Variants in SGCZ observed in about 807,000 individuals in gnomAD.
The protein encoded by SGCZ is zeta-sarcoglycan.
A neutral mutation model predicts 41.3 loss-of-function variants in SGCZ; 40 were observed. The ratio of observed to expected loss-of-function variants is 0.97; its 90% confidence interval spans 0.75 to 1.26. The LOEUF (loss-of-function observed/expected upper bound fraction) is 1.26. SGCZ is among the 50% of genes most tolerant of loss of function. The pLI is 0.00. For missense variants in SGCZ, 552 were observed against 369.8 expected (o/e 1.49, Z -4.04); for synonymous variants, 206 against 137.5 (o/e 1.50, Z -3.49).
At chr8:14,970,633 T>G (rs1039042729) in intron 1 of SGCZ, among the ~76,000 whole-genome samples, 4 of 152,176 alleles carry the variant, frequency 2.6e-5, no homozygotes, top group Non-Finnish European at 4.4e-5. Context: ...ACCTATTTCT[T>G]GACCATTTCT....
At chr8:15,184,220 C>T (rs1010187197) in intron 1 of SGCZ, among the ~76,000 whole-genome samples, 1 of 152,072 alleles carries the variant, frequency 6.6e-6, no homozygotes, top group Non-Finnish European at 1.5e-5. Context: ...ACTAGTAGAA[C>T]TTCTGGTAGG....
chr8:14,268,008 AT>A (rs755677884), intron 3 of SGCZ, among the ~76,000 whole-genome samples: 6 of 151,614 alleles, frequency 4.0e-5, no homozygotes, highest in Non-Finnish European at 7.4e-5. Context: ...GTACTTATAT[AT>A]TTATATAAAA....
chr8:14,566,911 C>T (rs1319234457), intron 1 of SGCZ, among the ~76,000 whole-genome samples: 1 of 152,180 alleles, frequency 6.6e-6, no homozygotes, highest in African/African-American at 2.4e-5. Flanking sequence ...CGGCAGGCCC[C>T]ACACTCAGAG....
At chr8:14,325,991 A>C (rs1365942629) in intron 2 of SGCZ, among the ~76,000 whole-genome samples, 2 of 149,602 alleles carry the variant, frequency 1.3e-5, no homozygotes, top group Non-Finnish European at 1.5e-5. Context: ...GGGCGCCTGT[A>C]GTCCCAGGTA....
intron 1 of SGCZ, among the ~76,000 whole-genome samples, chr8:15,039,252 A>C (rs1803987911): frequency 6.6e-6 from 1 of 152,210 alleles, no homozygotes; most frequent in Admixed American, 6.5e-5. Flanking sequence ...GGATGGATGA[A>C]TAAAGAAAAT....
rs1279184204 is a variant in SGCZ at position 14,969,516 on chromosome 8, C to G, written c.39+268069G>C. Among the ~76,000 whole-genome samples, 3 of 152,166 alleles carry G rather than the reference C, an allele frequency of 2.0e-5. No individual in the cohort carries two copies. In the East Asian group the frequency reaches 5.8e-4, roughly 30 times the overall value. On this transcript the variant is annotated intron_variant, in intron 1 of 7. Transcript: ENST00000382080. ...TCTCTTTTTCCTTCTTAACTCCCCTCTCTTCTTGCCCCAGTCCCCAAGCTT... is the reference window on the plus strand; with the variant it reads ...TCTCTTTTTCCTTCTTAACTCCCCTGTCTTCTTGCCCCAGTCCCCAAGCTT...
chr8:14,489,070 C>T (rs1801765317), intron 2 of SGCZ, among the ~76,000 whole-genome samples: 1 of 145,430 alleles, frequency 6.9e-6, no homozygotes, highest in Non-Finnish European at 1.5e-5. Flanking sequence ...TTCAAATTCA[C>T]AGAACGCATC....
chr8:14,841,254 T>C (rs188889136), intron 1 of SGCZ, among the ~76,000 whole-genome samples: 3 of 152,138 alleles, frequency 2.0e-5, no homozygotes, highest in African/African-American at 7.2e-5. Flanking sequence ...GCAATCCACC[T>C]GGTCCTTCTC....
intron 1 of SGCZ, 102 bp downstream of exon 1, chr8:15,237,483 G>T: frequency 1.4e-6 from 2 of 1,390,288 alleles, no homozygotes; most frequent in South Asian, 1.2e-5. Flanking sequence ...CGTCCCGCGG[G>T]ACCACCAACT....
chr8:14,580,618 T>A (rs1011834056), intron 1 of SGCZ, among the ~76,000 whole-genome samples: 2 of 152,226 alleles, frequency 1.3e-5, no homozygotes, highest in Non-Finnish European at 2.9e-5. Flanking sequence ...GGACTTTTTA[T>A]AATAGAAATC....
intron 5 of SGCZ, among the ~76,000 whole-genome samples, chr8:14,129,638 C>G (rs1332680441): frequency 6.6e-6 from 1 of 151,584 alleles, no homozygotes; most frequent in African/African-American, 2.4e-5. Flanking sequence ...TAACTTTATA[C>G]CTTGAAGAAG....
In SGCZ at chr8:15,238,227, G is replaced by C. The variant is rs1278084212; in HGVS notation, c.-604C>G. ...AGCTGAGAGGTATTTTCTCAGTGGG[G>C]AAAAGAAGATAATCAAGTCAGAAGG... On this transcript the variant is annotated 5_prime_UTR_variant, in exon 1 of 8. Transcript: ENST00000382080. 1.3e-5 allele frequency: 2 copies of C among 152,254 alleles called. No individual in the cohort carries two copies. The highest frequency in any genetic ancestry group is 3.9e-4 in the East Asian group (2 of 5,190). The allele number at this position is 152,254 out of a possible 1,614,324, so 9.4% of individuals were successfully genotyped here.
intron 1 of SGCZ, among the ~76,000 whole-genome samples, chr8:15,182,904 T>A (rs934176915): frequency 4.6e-5 from 7 of 152,234 alleles, no homozygotes; most frequent in African/African-American, 1.7e-4. Context: ...TTTCTTTATA[T>A]CTTTAAGCTT....
chr8:14,490,542 C>G (rs960391507), intron 2 of SGCZ, among the ~76,000 whole-genome samples: 1 of 152,180 alleles, frequency 6.6e-6, no homozygotes, highest in South Asian at 2.1e-4. Flanking sequence ...CTCTTTGTCT[C>G]TCGTCTCTCT....
chr8:14,298,862 A>T (rs1048370267), intron 3 of SGCZ, among the ~76,000 whole-genome samples: 11 of 151,960 alleles, frequency 7.2e-5, no homozygotes, highest in African/African-American at 2.7e-4. Flanking sequence ...TATGGAACTA[A>T]AAAGAACCTA....
intron 1 of SGCZ, among the ~76,000 whole-genome samples, chr8:15,233,889 A>T: frequency 6.6e-6 from 1 of 152,146 alleles, no homozygotes; most frequent in East Asian, 1.9e-4. Context: ...ACTTGACTGA[A>T]AAAAATTATA....
At chr8:14,096,486 G>A (rs1203287960) in intron 7 of SGCZ, among the ~76,000 whole-genome samples, 1 of 152,206 alleles carries the variant, frequency 6.6e-6, no homozygotes, top group Non-Finnish European at 1.5e-5. Flanking sequence ...GCTTTTTGTT[G>A]TGCTGCTGGA....
chr8:14,684,558 A>T (rs563489662), intron 1 of SGCZ, among the ~76,000 whole-genome samples: 1 of 152,318 alleles, frequency 6.6e-6, no homozygotes, highest in South Asian at 2.1e-4. Flanking sequence ...TACTGTAAAC[A>T]TGTTGTAGCA....
At chr8:14,351,152 G>C (rs569588205) in intron 2 of SGCZ, among the ~76,000 whole-genome samples, 13 of 152,170 alleles carry the variant, frequency 8.5e-5, no homozygotes, top group South Asian at 6.2e-4. Flanking sequence ...GTCTACCTAT[G>C]AAAATAAAAG....
Sources: allele counts gnomAD v4.1 joint callset (sites outside exome capture counted in the v4.1 genomes callset), GRCh38; gene constraint gnomAD v4.1.1; transcripts MANE v1.5; gene names NCBI Gene and HGNC (gene_info 2026-07-23, HGNC 2026-07-21).